CDH1: variants seen among roughly 807,000 people sequenced by gnomAD.
CDH1 encodes the protein cadherin 1.
Under a neutral mutation model 84.5 loss-of-function variants are expected in CDH1, and 35 were observed. The observed-to-expected ratio is 0.41, with a 90% CI of 0.32 to 0.55. The LOEUF is 0.55. CDH1 is among the 20% of genes least tolerant of loss of function. The pLI, the probability that CDH1 is intolerant of heterozygous loss-of-function variation, is 0.19. For missense variants in CDH1, 994 were observed against 1,126.6 expected (o/e 0.88, Z 1.68); for synonymous variants, 417 against 439.0 (o/e 0.95, Z 0.63).
At chr16:68,753,090 G>A (rs1443095339) in intron 2 of CDH1, among the ~76,000 whole-genome samples, 1 of 151,314 alleles carries the variant, frequency 6.6e-6, no homozygotes, top group East Asian at 2.0e-4. Context: ...GCTCACGCCT[G>A]TAATCCCAGC....
At chr16:68,796,103 C>T (rs1960353097) in intron 2 of CDH1, among the ~76,000 whole-genome samples, 1 of 151,808 alleles carries the variant, frequency 6.6e-6, no homozygotes, top group Non-Finnish European at 1.5e-5. Flanking sequence ...GTGGAGGTTG[C>T]AGTGAGTTGA....
rs144276562 is a variant in CDH1 at position 68,750,989 on chromosome 16, C to T, written c.163+12578C>T. ...CAAAGTGCTGGATTTACAGGCATGA[C>T]GCCCAGCTGTTTCTCTATTCCCAAA... On this transcript the variant is annotated intron_variant, in intron 2 of 15. Coordinates refer to ENST00000261769, the MANE Select transcript of CDH1 (RefSeq NM_004360.5). Among the ~76,000 whole-genome samples the T allele has an allele frequency of 4.5e-3, 692 of 152,098 alleles. 2 individuals are homozygous for T. Among genetic ancestry groups the T allele is most frequent in the African/African-American group, 0.015 (620 of 41,472 alleles).
intron 10 of CDH1, 72 bp downstream of exon 10, chr16:68,815,831 A>G: frequency 1.3e-6 from 2 of 1,531,606 alleles, no homozygotes; most frequent in Non-Finnish European, 1.8e-6. Flanking sequence ...TAAATCAATA[A>G]TATGTACTTC....
rs555520131 is a variant in CDH1, at chr16:68,761,045, G to A, written c.163+22634G>A. The stretch of plus-strand genomic sequence containing the variant: ...AAGTGAAACTGAACTTCCGGTCCTC[G>A]AGTCACACAGGAGGGTAGGGGCTGT... On this transcript the variant is annotated intron_variant, in intron 2 of 15. Transcript: ENST00000261769. Among the ~76,000 whole-genome samples, 6 of 152,312 alleles carry A rather than the reference G, an allele frequency of 3.9e-5. No homozygotes were observed. In the South Asian group the frequency reaches 6.2e-4, roughly 16 times the overall value.
At chr16:68,742,984 C>T (rs778142838) in intron 2 of CDH1, among the ~76,000 whole-genome samples, 2 of 152,284 alleles carry the variant, frequency 1.3e-5, no homozygotes, top group East Asian at 1.9e-4. Context: ...TCTGGAGGTG[C>T]GGAGGTGGAA....
chr16:68,812,110 C>A, intron 7 of CDH1, 25 bp from the exon 8 acceptor site: 3 of 1,613,980 alleles, frequency 1.9e-6, no homozygotes, highest in Non-Finnish European at 1.7e-6. Context: ...CTGGTCCTGA[C>A]TTGGTTGTGT....
In CDH1 at chr16:68,813,974, C is replaced by T. The variant is rs549147004; in HGVS notation, c.1320+479C>T. On this transcript the variant is annotated intron_variant, in intron 9 of 15. Transcript: ENST00000261769. Reference sequence around the variant, plus strand: ...AAAGGAGGCCGGGCGTGGTGGCTCACGCCTGTAATCATAGCACTTTGGGAG... The same window carrying T: ...AAAGGAGGCCGGGCGTGGTGGCTCATGCCTGTAATCATAGCACTTTGGGAG... Among the ~76,000 whole-genome samples the T allele has an allele frequency of 8.4e-4, 127 of 151,998 alleles. 3 individuals carry two copies. In the South Asian group the frequency reaches 0.023, roughly 28 times the overall value.
intron 10 of CDH1, among the ~76,000 whole-genome samples, chr16:68,818,207 T>C (rs1961031678): frequency 7.4e-6 from 1 of 134,248 alleles, no homozygotes. Context: ...GCCACTGTAC[T>C]CCAGCCTGGG....
At chr16:68,752,392 A>G (rs1350870491) in intron 2 of CDH1, among the ~76,000 whole-genome samples, 1 of 152,374 alleles carries the variant, frequency 6.6e-6, no homozygotes, top group East Asian at 1.9e-4. Context: ...TCCTCCCACT[A>G]GAACAGAAGC....
In CDH1 at chr16:68,815,746, G is replaced by A. The variant is rs1597898324; in HGVS notation, c.1552G>A (p.Glu518Lys). 1 of 1,614,228 alleles carries A rather than the reference G, an allele frequency of 6.2e-7. No homozygotes were observed. Among genetic ancestry groups the A allele is most frequent in the South Asian group, 1.1e-5 (1 of 91,078 alleles). ...TGCCCAGGAGCCAGACACATTTATG[G>A]AACAGAAAATAACGTAAGTGTGAGG... ...YTAQEPDTFM[E>K]QKITYRIWRD... The change falls in exon 10 of 16, where the codon GAA (glutamate) becomes AAA (lysine). Residue 518 changes from glutamate (E) to lysine (K), a missense_variant. Transcript: ENST00000261769.
intron 1 of CDH1, 52 bp downstream of exon 1, chr16:68,737,515 C>CGCCGCAGCCCCGT: frequency 7.4e-7 from 1 of 1,351,408 alleles, no homozygotes; most frequent in South Asian, 1.2e-5. Context: ...GCAAGCTCCG[C>CGCCGCAGCCCCGT]GCCCCAGCCC....
At chr16:68,798,988 G>A (rs1294064085) in intron 2 of CDH1, among the ~76,000 whole-genome samples, 3 of 152,042 alleles carry the variant, frequency 2.0e-5, no homozygotes, top group Admixed American at 2.0e-4. Context: ...TACTTTCATT[G>A]CTTTTTAACT....
rs569173678 is a variant in CDH1, at chr16:68,815,830, A to C, written c.1565+71A>C. ...TATATCATTTTATATGTAAATCAAT[A>C]ATATGTACTTCATGGCATTTTGTCA... On this transcript the variant is annotated intron_variant, in intron 10 of 15. Transcript: ENST00000261769. 1.3e-4 allele frequency: 201 copies of C among 1,532,232 alleles called. 3 individuals are homozygous for C. The South Asian group carries it at 1.6e-3, about 12-fold the overall frequency. 94.9% of individuals were successfully genotyped at this position (1,532,232 alleles called of 1,614,324 possible). A position where few individuals can be genotyped will look rare whatever the true frequency, so the allele number is the denominator to read the frequency against.
chr16:68,811,773 G>A lies in CDH1; in HGVS notation c.922G>A (p.Asp308Asn), dbSNP rs1339256204. 3.1e-6 allele frequency: 5 copies of A among 1,614,138 alleles called. No homozygotes were observed. Among genetic ancestry groups the A allele is most frequent in the Non-Finnish European group, 4.2e-6 (5 of 1,180,012 alleles). The change falls in exon 7 of 16, where the codon GAT (aspartate) becomes AAT (asparagine). Residue 308 changes from aspartate (D) to asparagine (N), a missense_variant. Asp to Asn is a conservative substitution (Grantham distance 23). This residue lies in a region of CDH1 where 769 missense variants were observed against 881.8 expected (regional missense o/e 0.87). Transcript: ENST00000261769. The part of the protein sequence containing the change: ...AAIAYTILSQ[D>N]PELPDKNMFT... ...CATCGCTTACACCATCCTCAGCCAA[G>A]ATCCTGAGCTCCCTGACAAAAATAT... is the stretch of plus-strand genomic sequence containing the variant.
intron 2 of CDH1, among the ~76,000 whole-genome samples, chr16:68,789,309 G>A (rs1347028173): frequency 6.6e-6 from 1 of 152,042 alleles, no homozygotes; most frequent in Non-Finnish European, 1.5e-5. Context: ...TGGGATTATA[G>A]GTGTGAGCCA....
chr16:68,776,659 T>C (rs1959741011), intron 2 of CDH1, among the ~76,000 whole-genome samples: 2 of 152,216 alleles, frequency 1.3e-5, no homozygotes, highest in Non-Finnish European at 2.9e-5. Flanking sequence ...CATGAGTTCC[T>C]GCACCTGGCA....
At chr16:68,746,616 G>A (rs1013992312) in intron 2 of CDH1, among the ~76,000 whole-genome samples, 3 of 152,118 alleles carry the variant, frequency 2.0e-5, no homozygotes, top group Non-Finnish European at 4.4e-5. Context: ...TGGTGCTTCT[G>A]CCATGCCCAG....
chr16:68,825,316 TC>T (rs1192710649), intron 13 of CDH1, among the ~76,000 whole-genome samples: 1 of 151,862 alleles, frequency 6.6e-6, no homozygotes, highest in Non-Finnish European at 1.5e-5. Context: ...TTAGGAAGGT[TC>T]CCCTCCTAGC....
intron 3 of CDH1, among the ~76,000 whole-genome samples, chr16:68,806,935 T>G (rs1205477560): frequency 6.6e-6 from 1 of 152,180 alleles, no homozygotes; most frequent in Admixed American, 6.5e-5. Context: ...ATATCTCACA[T>G]GTATCTGGTG....
Sources: allele counts gnomAD v4.1 joint callset (sites outside exome capture counted in the v4.1 genomes callset), GRCh38; gene constraint gnomAD v4.1.1; regional missense constraint gnomAD v4.1.1; transcripts MANE v1.5; gene names NCBI Gene and HGNC (gene_info 2026-07-23, HGNC 2026-07-21).